SPOCK3: variants seen among roughly 807,000 people sequenced by gnomAD.
SPOCK3 encodes the protein testican-3.
In SPOCK3, 30 loss-of-function variants were observed where a neutral mutation model predicts 56.6. The observed-to-expected ratio is 0.53, with a 90% CI of 0.40 to 0.72. The LOEUF (loss-of-function observed/expected upper bound fraction) is 0.72. SPOCK3 is among the 30% of genes least tolerant of loss of function. SPOCK3 has a pLI of 0.00. For synonymous variants in SPOCK3, 196 were observed against 183.3 expected (o/e 1.07, Z -0.56); for missense variants, 527 against 530.0 (o/e 0.99, Z 0.06).
At chr4:167,103,862 C>G (rs1759864293) in intron 2 of SPOCK3, among the ~76,000 whole-genome samples, 1 of 152,148 alleles carries the variant, frequency 6.6e-6, no homozygotes, top group African/African-American at 2.4e-5. Flanking sequence ...CTTGTGCCTC[C>G]TCATGCCCAA....
chr4:167,203,580 A>G (rs1314017397), intron 2 of SPOCK3, among the ~76,000 whole-genome samples: 1 of 151,746 alleles, frequency 6.6e-6, no homozygotes, highest in Non-Finnish European at 1.5e-5. Flanking sequence ...GACAGAAAAG[A>G]AAGGTAAAGC....
intron 7 of SPOCK3, among the ~76,000 whole-genome samples, chr4:166,786,457 G>A (rs994137141): frequency 1.3e-5 from 2 of 152,052 alleles, no homozygotes; most frequent in East Asian, 1.9e-4. Context: ...CATGCAGTTA[G>A]GATATAAATA....
intron 2 of SPOCK3, among the ~76,000 whole-genome samples, chr4:167,121,132 T>C (rs1761832664): frequency 6.6e-6 from 1 of 151,226 alleles, no homozygotes; most frequent in African/African-American, 2.4e-5. Context: ...CATGAAAAAA[T>C]GATAGCCATG....
At chr4:166,965,907 G>A (rs1744685764) in intron 4 of SPOCK3, among the ~76,000 whole-genome samples, 1 of 152,000 alleles carries the variant, frequency 6.6e-6, no homozygotes, top group African/African-American at 2.4e-5. Flanking sequence ...CATTTCATGG[G>A]TTTTGGGTAA....
chr4:167,023,398 T>C (rs900558801), intron 3 of SPOCK3, among the ~76,000 whole-genome samples: 6 of 151,652 alleles, frequency 4.0e-5, no homozygotes, highest in Non-Finnish European at 8.8e-5. Flanking sequence ...AACCACCAAA[T>C]AAAGATACTA....
chr4:166,856,780 T>TTATCTATCTATCTATC (rs75127358), intron 6 of SPOCK3, among the ~76,000 whole-genome samples: 3,671 of 149,360 alleles, frequency 0.025, 58 homozygotes, highest in Non-Finnish European at 0.037. Context: ...CTCAAAAAAA[T>TTATCTATCTATCTATC]TATCTATCTA....
intron 4 of SPOCK3, among the ~76,000 whole-genome samples, chr4:166,965,150 T>C (rs1172225445): frequency 1.3e-5 from 2 of 151,956 alleles, no homozygotes; most frequent in Non-Finnish European, 2.9e-5. Context: ...CTTTTTATTA[T>C]TAATTATTTG....
At chr4:167,075,298 A>G (rs1376794942) in intron 2 of SPOCK3, among the ~76,000 whole-genome samples, 1 of 151,960 alleles carries the variant, frequency 6.6e-6, no homozygotes, top group Non-Finnish European at 1.5e-5. Flanking sequence ...AGAATTAATC[A>G]ATATATAATT....
At chr4:166,791,162 G>A (rs368751298) in intron 7 of SPOCK3, among the ~76,000 whole-genome samples, 1 of 152,054 alleles carries the variant, frequency 6.6e-6, no homozygotes. Context: ...TAAAAGTAAT[G>A]GCTTAATTGC....
intron 2 of SPOCK3, among the ~76,000 whole-genome samples, chr4:167,072,285 G>A (rs184001409): frequency 2.0e-5 from 3 of 152,166 alleles, no homozygotes; most frequent in East Asian, 3.9e-4. Flanking sequence ...TGGCCTATGG[G>A]CCAGGCCCAC....
chr4:167,055,614 C>T (rs1425675756), intron 3 of SPOCK3, among the ~76,000 whole-genome samples: 1 of 152,178 alleles, frequency 6.6e-6, no homozygotes, highest in Non-Finnish European at 1.5e-5. Context: ...CTGCGCTTTT[C>T]CAACGGGCTT....
At chr4:166,765,913 A>C (rs1737968240) in intron 7 of SPOCK3, among the ~76,000 whole-genome samples, 1 of 152,008 alleles carries the variant, frequency 6.6e-6, no homozygotes, top group South Asian at 2.1e-4. Flanking sequence ...ATCCCTTTTA[A>C]GTTGGATTCC....
intron 2 of SPOCK3, among the ~76,000 whole-genome samples, chr4:167,082,756 A>AGGG (rs1554033252): frequency 3.8e-4 from 43 of 112,300 alleles, no homozygotes; most frequent in African/African-American, 1.8e-3. Context: ...GGAAGGAAGG[A>AGGG]AGGGAGGGAG....
chr4:166,887,989 T>G, intron 6 of SPOCK3, among the ~76,000 whole-genome samples: 1 of 152,262 alleles, frequency 6.6e-6, no homozygotes, highest in East Asian at 1.9e-4. Context: ...TCGGCTAATT[T>G]ATTTTTGAAT....
At chr4:166,881,481 T>C (rs1733687160) in intron 6 of SPOCK3, among the ~76,000 whole-genome samples, 1 of 152,020 alleles carries the variant, frequency 6.6e-6, no homozygotes, top group African/African-American at 2.4e-5. Flanking sequence ...GAATTCATTT[T>C]TATTTATTAC....
chr4:167,030,746 G>A (rs1202588865), intron 3 of SPOCK3, among the ~76,000 whole-genome samples: 1 of 152,012 alleles, frequency 6.6e-6, no homozygotes, highest in Non-Finnish European at 1.5e-5. Flanking sequence ...CTGAATTCTT[G>A]CACTTAACCC....
intron 4 of SPOCK3, among the ~76,000 whole-genome samples, chr4:166,935,247 C>T (rs1740275009): frequency 6.6e-6 from 1 of 152,120 alleles, no homozygotes; most frequent in Non-Finnish European, 1.5e-5. Context: ...CATCCAACAA[C>T]CATGAGTTTG....
intron 2 of SPOCK3, among the ~76,000 whole-genome samples, chr4:167,106,193 C>T (rs967673691): frequency 6.6e-6 from 1 of 151,892 alleles, no homozygotes; most frequent in African/African-American, 2.4e-5. Context: ...CTCTTCAACA[C>T]ATGGATCATT....
chr4:167,159,740 G>A (rs562731113), intron 2 of SPOCK3, among the ~76,000 whole-genome samples: 3 of 151,976 alleles, frequency 2.0e-5, no homozygotes, highest in African/African-American at 4.8e-5. Flanking sequence ...TTCAACATAC[G>A]CAAATCAATA....
Sources: gnomAD v4.1 joint callset for allele counts (sites outside exome capture counted in the v4.1 genomes callset) on GRCh38, gnomAD v4.1.1 for gene constraint, MANE v1.5 for transcripts, NCBI Gene and HGNC (gene_info 2026-07-23, HGNC 2026-07-21) for gene names.